RCC2: variants seen among roughly 807,000 people sequenced by gnomAD.
RCC2 encodes protein RCC2.
In RCC2, 19 loss-of-function variants were observed where a neutral mutation model predicts 64.1. The ratio of observed to expected loss-of-function variants is 0.30; its 90% CI spans 0.21 to 0.44. RCC2 has a LOEUF of 0.44. RCC2 is among the 20% of genes least tolerant of loss of function. RCC2 has a pLI of 1.00. For missense variants in RCC2, 508 were observed against 710.4 expected (o/e 0.72, Z 3.24); for synonymous variants, 325 against 279.6 (o/e 1.16, Z -1.62).
chr1:17,422,214 T>C lies in RCC2; in HGVS notation c.733A>G (p.Ser245Gly). ...TGAGGAGGGGTCACCTGCGCGGGGC[T>C]GGGAACAGCGTCTGTCTGGTTGCCA... is the stretch of plus-strand genomic sequence containing the variant. ...GLGNQTDAVPSPAQIMYNGQP... is the reference protein window; with the variant it reads ...GLGNQTDAVPGPAQIMYNGQP... Residue 245 changes from serine (S) to glycine (G), a missense_variant, in exon 6 of 13, where the codon AGC (serine) becomes GGC (glycine). Around this residue, in one of 4 missense-constraint regions of RCC2, gnomAD observed 132 missense variants for 207.3 expected, o/e 0.64. Transcript: ENST00000375436. The C allele has an allele frequency of 1.9e-6, 3 of 1,611,804 alleles. No individual in the cohort carries two copies. The highest frequency in any genetic ancestry group is 2.5e-6 in the Non-Finnish European group (3 of 1,179,148).
chr1:17,406,843 C>T lies in RCC2; in HGVS notation c.*2247G>A, dbSNP rs1316336030. The stretch of plus-strand genomic sequence containing the variant: ...AAAAAATAATAAGACAATTACAGCA[C>T]TAAACCAGGCACCTTCGACCAAATC... On this transcript the variant is annotated 3_prime_UTR_variant, in exon 13 of 13. Coordinates refer to ENST00000375436, the MANE Select transcript of RCC2 (RefSeq NM_018715.4). 2.0e-5 allele frequency: 3 copies of T among 152,198 alleles called. No homozygotes were observed. The highest frequency in any genetic ancestry group is 7.2e-5 in the African/African-American group (3 of 41,442). The allele number at this position is 152,198 out of a possible 1,614,324, so 9.4% of individuals were successfully genotyped here.
chr1:17,414,346 A>T (rs1054508122), intron 8 of RCC2, among the ~76,000 whole-genome samples: 2 of 152,048 alleles, frequency 1.3e-5, no homozygotes, highest in Non-Finnish European at 2.9e-5. Context: ...CCTGGGCAAC[A>T]TGGTGAAACC....
rs1464101347 is a variant in RCC2, at chr1:17,406,764, G to A, written c.*2326C>T. 2 of 88,584 alleles carry A rather than the reference G, an allele frequency of 2.3e-5. No individual in the cohort carries two copies. The highest frequency in any genetic ancestry group is 4.9e-5 in the Non-Finnish European group (2 of 40,904). The allele number at this position is 88,584 out of a possible 1,614,324, so 5.5% of individuals were successfully genotyped here. ...AAAAAGAAATGCAAAATCCAAGACA[G>A]TAGACAATGTTGTTGTTTATTTAAA... On this transcript the variant is annotated 3_prime_UTR_variant, in exon 13 of 13. Coordinates refer to ENST00000375436, the MANE Select transcript of RCC2 (RefSeq NM_018715.4).
In RCC2 at chr1:17,409,912, G is replaced by A. The variant is rs1050395710; in HGVS notation, c.1464+62C>T. 20 of 1,372,556 alleles carry A rather than the reference G, an allele frequency of 1.5e-5. No homozygotes were observed. In the African/African-American group the frequency reaches 1.7e-4, roughly 12 times the overall value. 85.0% of individuals were successfully genotyped at this position (1,372,556 alleles called of 1,614,324 possible). A position where few individuals can be genotyped will look rare whatever the true frequency, so the allele number is the denominator to read the frequency against. On this transcript the variant is annotated intron_variant, in intron 12 of 12. Transcript: ENST00000375436. Reference sequence around the variant, plus strand: ...AACAGACTGCGATGATCAAAATCATGAGGAGTGACATACCACTGGGTACGG... The same window carrying A: ...AACAGACTGCGATGATCAAAATCATAAGGAGTGACATACCACTGGGTACGG...
chr1:17,432,188 G>A (rs1414781054), intron 2 of RCC2, among the ~76,000 whole-genome samples: 1 of 152,230 alleles, frequency 6.6e-6, no homozygotes, highest in Non-Finnish European at 1.5e-5. Context: ...ACCTTAATCA[G>A]AGGGTGGCCC....
intron 8 of RCC2, 24 bp from the exon 9 acceptor site, chr1:17,413,741 T>G: frequency 6.3e-7 from 1 of 1,596,492 alleles, no homozygotes; most frequent in Non-Finnish European, 8.5e-7. Flanking sequence ...AAACACAGGG[T>G]TGGAACAAAC....
chr1:17,422,094 T>C, intron 6 of RCC2, 109 bp downstream of exon 6: 1 of 725,990 alleles, frequency 1.4e-6, no homozygotes, highest in Non-Finnish European at 2.3e-6. Flanking sequence ...ATCCAGACCC[T>C]GTTTTTACAA....
At chr1:17,438,661 G>T in intron 1 of RCC2, 139 bp from the exon 2 acceptor site, 1 of 821,630 alleles carries the variant, frequency 1.2e-6, no homozygotes, top group East Asian at 3.5e-5. Context: ...GGGCGGAGAG[G>T]GGGCGAGTTG....
chr1:17,410,741 A>G (rs1305510444), intron 11 of RCC2, among the ~76,000 whole-genome samples: 1 of 152,094 alleles, frequency 6.6e-6, no homozygotes, highest in Non-Finnish European at 1.5e-5. Context: ...ATCTCCTGCC[A>G]GGCCCCACCT....
rs1035920688 is a variant in RCC2 at position 17,406,978 on chromosome 1, C to T, written c.*2112G>A. 2.6e-5 allele frequency: 4 copies of T among 152,184 alleles called. No individual in the cohort carries two copies. The highest frequency in any genetic ancestry group is 4.8e-5 in the African/African-American group (2 of 41,446). 9.4% of individuals were successfully genotyped at this position (152,184 alleles called of 1,614,324 possible). ...GGTCAGCGCCAAGCACATTCCCAAC[C>T]GGGCAACTGTGTACCTTTCTCTAGG... On this transcript the variant is annotated 3_prime_UTR_variant, in exon 13 of 13. Transcript: ENST00000375436.
Position 17,420,051 on chromosome 1 carries a change from G to A in RCC2, c.859+663C>T, listed in dbSNP as rs560123694. Among the ~76,000 whole-genome samples, 104 of 152,302 alleles carry A rather than the reference G, an allele frequency of 6.8e-4. No individual in the cohort carries two copies. In the South Asian group the frequency reaches 0.016, roughly 23 times the overall value. ...AGAGGGCGCCCGCGCCACACCTCGC[G>A]GAGGCCTCCCCAGAGGGGCTGGAGT... On this transcript the variant is annotated intron_variant, in intron 7 of 12. Transcript: ENST00000375436.
chr1:17,438,356 G>A lies in RCC2; in HGVS notation c.159C>T (p.Asp53=), dbSNP rs944615184. 4.0e-6 allele frequency: 5 copies of A among 1,239,712 alleles called. No homozygotes were observed. The African/African-American group carries it at 7.9e-5, about 20-fold the overall frequency. 76.8% of individuals were successfully genotyped at this position (1,239,712 alleles called of 1,614,324 possible). A position where few individuals can be genotyped will look rare whatever the true frequency, so the allele number is the denominator to read the frequency against. ...SSSSGGGSSG[D]EDGLELDGAP... is the part of the protein sequence containing the mutation. ...CCCCGTCGAGCTCCAGGCCGTCCTC[G>A]TCGCCGCTGCTGCCGCCGCCGCTGC... Residue 53 remains aspartate (D), a synonymous_variant, in exon 2 of 13, where the codon GAC becomes GAT. Coordinates refer to ENST00000375436, the MANE Select transcript of RCC2 (RefSeq NM_018715.4).
At chr1:17,428,473 A>C (rs2075642570) in intron 3 of RCC2, among the ~76,000 whole-genome samples, 1 of 152,226 alleles carries the variant, frequency 6.6e-6, no homozygotes, top group Admixed American at 6.5e-5. Flanking sequence ...TCATGGGGCA[A>C]AGCAATGCTG....
At chr1:17,412,866 G>A (rs1331178741) in intron 10 of RCC2, among the ~76,000 whole-genome samples, 1 of 152,172 alleles carries the variant, frequency 6.6e-6, no homozygotes, top group African/African-American at 2.4e-5. Context: ...CCACAAGACA[G>A]GGAACAGCCA....
chr1:17,437,760 C>T (rs1557637758), intron 2 of RCC2, among the ~76,000 whole-genome samples: 1 of 6,274 alleles, frequency 1.6e-4, no homozygotes, highest in East Asian at 4.2e-3. Context: ...CAAACGGCCG[C>T]TCCCCGCAGA....
At chr1:17,432,901 T>C (rs2075697302) in intron 2 of RCC2, among the ~76,000 whole-genome samples, 1 of 151,706 alleles carries the variant, frequency 6.6e-6, no homozygotes, top group African/African-American at 2.4e-5. Flanking sequence ...GGGCTTGCAG[T>C]GAGCCGAGAT....
chr1:17,416,717 A>C, intron 7 of RCC2, 71 bp from the exon 8 acceptor site: 2 of 1,488,516 alleles, frequency 1.3e-6, no homozygotes, highest in Non-Finnish European at 1.8e-6. Context: ...GCTCACACGG[A>C]CTCTGTAGTG....
intron 3 of RCC2, among the ~76,000 whole-genome samples, chr1:17,426,629 T>C (rs1355393716): frequency 6.6e-6 from 1 of 151,980 alleles, no homozygotes; most frequent in Non-Finnish European, 1.5e-5. Flanking sequence ...GTAGGCTCCC[T>C]CCAGCCTAGA....
chr1:17,413,466 C>T, intron 9 of RCC2, 71 bp downstream of exon 9: 1 of 1,489,890 alleles, frequency 6.7e-7, no homozygotes, highest in Non-Finnish European at 9.3e-7. Flanking sequence ...GGTTCGTGGT[C>T]TAGGGACAGG....
Sources: allele counts gnomAD v4.1 joint callset (sites outside exome capture counted in the v4.1 genomes callset), GRCh38; gene constraint gnomAD v4.1.1; regional missense constraint gnomAD v4.1.1; transcripts MANE v1.5; gene names NCBI Gene and HGNC (gene_info 2026-07-23, HGNC 2026-07-21).